NDUFS1: variants seen among roughly 807,000 people sequenced by gnomAD.
NDUFS1 encodes NADH-ubiquinone oxidoreductase 75 kDa subunit, mitochondrial.
Under a neutral mutation model 84.4 loss-of-function variants are expected in NDUFS1, and 61 were observed. The ratio of observed to expected loss-of-function variants is 0.72; its 90% CI spans 0.59 to 0.89. The LOEUF is 0.89. Ranked by LOEUF, NDUFS1 falls within the 40% of genes least tolerant of loss-of-function variation. The pLI is 0.00. For synonymous variants in NDUFS1, 275 were observed against 290.0 expected (o/e 0.95, Z 0.53); for missense variants, 891 against 890.0 (o/e 1.00, Z -0.01).
chr2:206,136,460 G>A (rs2105957998), intron 13 of NDUFS1, among the ~76,000 whole-genome samples: 1 of 143,906 alleles, frequency 6.9e-6, no homozygotes, highest in East Asian at 2.0e-4. Flanking sequence ...TTGAGATGGA[G>A]TCTCGCTCTG....
At chr2:206,138,759 C>A in intron 12 of NDUFS1, 145 bp from the exon 13 acceptor site, 2 of 937,994 alleles carry the variant, frequency 2.1e-6, no homozygotes, top group Non-Finnish European at 3.3e-6. Flanking sequence ...TACTACGTAC[C>A]TTTCAAAACA....
chr2:206,129,125 A>G (rs6435324), intron 15 of NDUFS1, among the ~76,000 whole-genome samples: 79,602 of 152,010 alleles, frequency 0.52, 22,468 homozygotes, highest in African/African-American at 0.74. Context: ...GTGTAAGAAA[A>G]TCGTAGAATA....
chr2:206,116,003 A>T lies in NDUFS1; in HGVS notation c.*8182T>A. The T allele has an allele frequency of 1.4e-6, 1 of 740,434 alleles. No homozygotes were observed. Among genetic ancestry groups the T allele is most frequent in the Non-Finnish European group, 2.5e-6 (1 of 399,814 alleles). The allele number at this position is 740,434 out of a possible 1,614,324, so 45.9% of individuals were successfully genotyped here. ...GTGTTAACAGTAGTTTTTTTTTCCC[A>T]TGGGTAATGCTAAAAGTTGCTATTC... On this transcript the variant is annotated 3_prime_UTR_variant, in exon 19 of 19. Transcript: ENST00000233190.
At chr2:206,142,412 G>A (rs192501541) in intron 11 of NDUFS1, among the ~76,000 whole-genome samples, 12 of 152,126 alleles carry the variant, frequency 7.9e-5, no homozygotes, top group South Asian at 2.1e-4. Context: ...ACGGGGTTTC[G>A]CCATGTTGGC....
chr2:206,156,222 C>T (rs1687646608), intron 1 of NDUFS1, among the ~76,000 whole-genome samples: 2 of 146,062 alleles, frequency 1.4e-5, no homozygotes, highest in Admixed American at 6.9e-5. Context: ...AAGATCACGC[C>T]ACTGCACTCC....
intron 14 of NDUFS1, among the ~76,000 whole-genome samples, chr2:206,131,663 C>T (rs1015127632): frequency 6.6e-6 from 1 of 151,418 alleles, no homozygotes; most frequent in South Asian, 2.1e-4. Context: ...TTAGGCCGGG[C>T]GTGGTGGCTC....
intron 9 of NDUFS1, among the ~76,000 whole-genome samples, 173 bp downstream of exon 9, chr2:206,144,719 G>T (rs1196436640): frequency 6.6e-6 from 1 of 152,102 alleles, no homozygotes; most frequent in African/African-American, 2.4e-5. Flanking sequence ...ACAATATCCA[G>T]GGATTGACCT....
At position 206,152,433 on chromosome 2, in the gene NDUFS1, T is replaced by C. The variant is rs1692405800; in HGVS notation, c.139A>G (p.Thr47Ala). The C allele has an allele frequency of 6.2e-7, 1 of 1,614,070 alleles. No individual in the cohort carries two copies. Among genetic ancestry groups the C allele is most frequent in the Non-Finnish European group, 8.5e-7 (1 of 1,179,936 alleles). The change falls in exon 3 of 19, where the codon ACG (threonine) becomes GCG (alanine). Residue 47 changes from threonine (T) to alanine (A), a missense_variant. Transcript: ENST00000233190. ...DGQSVMVEPG[T>A]TVLQACEKVG... ...TGTATGCCTACTTGGAGGACGGTCGTTCCCGGTTCCACCATGACAGACTGA... is the reference window on the plus strand; with the variant it reads ...TGTATGCCTACTTGGAGGACGGTCGCTCCCGGTTCCACCATGACAGACTGA...
In NDUFS1 at chr2:206,142,062, A is replaced by G. The variant is rs1274025265; in HGVS notation, c.1141T>C (p.Leu381=). The G allele has an allele frequency of 6.3e-7, 1 of 1,595,200 alleles. No individual in the cohort carries two copies. The highest frequency in any genetic ancestry group is 8.6e-7 in the Non-Finnish European group (1 of 1,163,026). The change falls in exon 12 of 19, where the codon TTG becomes CTG. Residue 381 remains leucine, a synonymous_variant. Coordinates refer to ENST00000233190, the MANE Select transcript of NDUFS1 (RefSeq NM_005006.7). The part of the protein sequence containing the change: ...VFPTAGAGTD[L]RSNYLLNTTI... ...GTATTAAGAAGATAATTGGAACGCA[A>G]ATCTGTGCTAGAAATACAATATATA...
intron 14 of NDUFS1, 76 bp from the exon 15 acceptor site, chr2:206,130,318 A>C: frequency 6.5e-7 from 1 of 1,540,478 alleles, no homozygotes; most frequent in African/African-American, 1.4e-5. Context: ...TTTTGGAATA[A>C]TTTCCTTTCA....
At chr2:206,137,895 A>C (rs1219411229) in intron 13 of NDUFS1, among the ~76,000 whole-genome samples, 4 of 152,222 alleles carry the variant, frequency 2.6e-5, no homozygotes, top group Admixed American at 1.3e-4. Flanking sequence ...CTTTTCAGAT[A>C]ATTTCAAGAA....
Position 206,115,733 on chromosome 2 carries a change from T to G in NDUFS1, c.*8452A>C. On this transcript the variant is annotated 3_prime_UTR_variant, in exon 19 of 19. Transcript: ENST00000233190. ...CAGTTATTTCCAATGGAAAGATCATTAAGTATTTCATCCCAAGTCCAGGTA... is the reference window on the plus strand; with the variant it reads ...CAGTTATTTCCAATGGAAAGATCATGAAGTATTTCATCCCAAGTCCAGGTA... The G allele has an allele frequency of 2.5e-6, 1 of 406,206 alleles. No homozygotes were observed. Among genetic ancestry groups the G allele is most frequent in the Non-Finnish European group, 4.7e-6 (1 of 211,568 alleles). The allele number at this position is 406,206 out of a possible 1,614,324, so 25.2% of individuals were successfully genotyped here.
intron 12 of NDUFS1, 31 bp from the exon 13 acceptor site, chr2:206,138,645 A>G (rs1214039496): frequency 1.2e-6 from 2 of 1,610,772 alleles, no homozygotes; most frequent in Admixed American, 3.3e-5. Context: ...TAAGAAGTAA[A>G]TAACTAAGCT....
intron 12 of NDUFS1, among the ~76,000 whole-genome samples, chr2:206,139,871 TA>T (rs35564839): frequency 0.41 from 42,271 of 103,452 alleles, 6,789 homozygotes; most frequent in Middle Eastern, 0.54. Context: ...CTTGTGTTCT[TA>T]AAAAAAAAAA....
Position 206,147,285 on chromosome 2 carries a change from C to A in NDUFS1, c.552-197G>T, listed in dbSNP as rs563322758. On this transcript the variant is annotated intron_variant, in intron 7 of 18. Coordinates refer to ENST00000233190, the MANE Select transcript of NDUFS1 (RefSeq NM_005006.7). ...TGTAACACACAGGCAGAAACTTGTA[C>A]AAATCATATGTGTACAACTCACCAA... 9.8e-5 allele frequency among the ~76,000 whole-genome samples: 15 copies of A among 152,300 alleles called. No homozygotes were observed. The South Asian group carries it at 3.1e-3, about 32-fold the overall frequency.
chr2:206,135,286 A>C lies in NDUFS1; in HGVS notation c.1393-2181T>G, dbSNP rs113550858. 2.6e-5 allele frequency among the ~76,000 whole-genome samples: 4 copies of C among 152,230 alleles called. 1 individual carries two copies. Among genetic ancestry groups the C allele is most frequent in the African/African-American group, 9.6e-5 (4 of 41,564 alleles). On this transcript the variant is annotated intron_variant, in intron 13 of 18. Transcript: ENST00000233190. Reference sequence around the variant, plus strand: ...GGTGATTTGCCTGCATTGGCTTCCCAAAGTGCTGGGATTACAGGTGTGAGC... The same window carrying C: ...GGTGATTTGCCTGCATTGGCTTCCCCAAGTGCTGGGATTACAGGTGTGAGC...
chr2:206,145,434 T>G (rs1464202582), intron 8 of NDUFS1, among the ~76,000 whole-genome samples: 1 of 152,126 alleles, frequency 6.6e-6, no homozygotes. Context: ...ACACCCACAT[T>G]TGAACACATA....
Position 206,121,978 on chromosome 2 carries a change from T to G in NDUFS1, c.*2207A>C, listed in dbSNP as rs1317813967. On this transcript the variant is annotated 3_prime_UTR_variant, in exon 19 of 19. Transcript: ENST00000233190. ...GAGCACAGTGCTAAGAGGTAAGAGA[T>G]GGGAAGTTTGTATTAAGTTCAAACA... 1 of 152,176 alleles carries G rather than the reference T, an allele frequency of 6.6e-6. No homozygotes were observed. The highest frequency in any genetic ancestry group is 1.5e-5 in the Non-Finnish European group (1 of 68,032). 9.4% of individuals were successfully genotyped at this position (152,176 alleles called of 1,614,324 possible).
At position 206,114,838 on chromosome 2, in the gene NDUFS1, T is replaced by C. The variant is rs1690901393; in HGVS notation, c.*9347A>G. 6.6e-6 allele frequency: 1 copy of C among 152,232 alleles called. No individual in the cohort carries two copies. The highest frequency in any genetic ancestry group is 2.4e-5 in the African/African-American group (1 of 41,458). 9.4% of individuals were successfully genotyped at this position (152,232 alleles called of 1,614,324 possible). On this transcript the variant is annotated 3_prime_UTR_variant, in exon 19 of 19. Coordinates refer to ENST00000233190, the MANE Select transcript of NDUFS1 (RefSeq NM_005006.7). Reference sequence around the variant, plus strand: ...GGGGTAATCACAATTAAGTTTTTATTGTATCTGCTGAGATACTTTCCATAC... The same window carrying C: ...GGGGTAATCACAATTAAGTTTTTATCGTATCTGCTGAGATACTTTCCATAC...
Sources: allele counts gnomAD v4.1 joint callset (sites outside exome capture counted in the v4.1 genomes callset), GRCh38; gene constraint gnomAD v4.1.1; transcripts MANE v1.5; gene names NCBI Gene and HGNC (gene_info 2026-07-23, HGNC 2026-07-21).